Variants in PIK3AP1 observed in about 807,000 individuals in gnomAD.
PIK3AP1 encodes phosphoinositide 3-kinase adapter protein 1.
In PIK3AP1, 21 loss-of-function variants were observed where a neutral mutation model predicts 88.1. The observed-to-expected ratio is 0.24, with a 90% CI of 0.17 to 0.34. The LOEUF (loss-of-function observed/expected upper bound fraction) is 0.34. PIK3AP1 is among the 10% of genes least tolerant of loss of function. The pLI, the probability that PIK3AP1 is intolerant of heterozygous loss-of-function variation, is 1.00. For synonymous variants in PIK3AP1, 398 were observed against 400.0 expected, an observed-to-expected ratio of 1.00 and a Z score of 0.06; for missense variants, 828 against 1,035.7, an observed-to-expected ratio of 0.80 and a Z score of 2.75.
Position 96,603,944 on chromosome 10 carries a change from G to C in PIK3AP1, c.2241+35C>G, listed in dbSNP as rs185075250. ...ATCTCTTGCGATGAAACGACCCCTA[G>C]GACAGGATAGGTGGGGTGGAGTCCC... On this transcript the variant is annotated intron_variant, in intron 15 of 16. Transcript: ENST00000339364. 1.8e-3 allele frequency: 2,748 copies of C among 1,533,778 alleles called. 2 individuals are homozygous for C. Among genetic ancestry groups the C allele is most frequent in the Non-Finnish European group, 2.2e-3 (2,444 of 1,121,978 alleles).
chr10:96,674,113 C>A (rs1843885130), intron 2 of PIK3AP1, among the ~76,000 whole-genome samples: 1 of 152,196 alleles, frequency 6.6e-6, no homozygotes, highest in Admixed American at 6.5e-5. Flanking sequence ...AACAAGATGG[C>A]ATTCCAAATT....
At chr10:96,641,869 T>C (rs1261812324) in intron 8 of PIK3AP1, among the ~76,000 whole-genome samples, 1 of 152,240 alleles carries the variant, frequency 6.6e-6, no homozygotes, top group Non-Finnish European at 1.5e-5. Context: ...CAAGTTATTA[T>C]TCTGCTGGGC....
intron 2 of PIK3AP1, among the ~76,000 whole-genome samples, chr10:96,697,057 G>T (rs1767472748): frequency 6.6e-6 from 1 of 152,144 alleles, no homozygotes; most frequent in Non-Finnish European, 1.5e-5. Flanking sequence ...TGCCTCAGGT[G>T]GCTCAACCAG....
chr10:96,711,407 C>G (rs913310707), intron 1 of PIK3AP1, among the ~76,000 whole-genome samples: 1 of 152,228 alleles, frequency 6.6e-6, no homozygotes, highest in Non-Finnish European at 1.5e-5. Flanking sequence ...ACAAACTGTT[C>G]TGTGTGTGGT....
In PIK3AP1 at chr10:96,664,298, C is replaced by T. The variant is rs115931961; in HGVS notation, c.431-7364G>A. ...ATATAAAATTATATCTCAGATGCTG[C>T]AGGATTTCAATTATATAAAAAATGC... On this transcript the variant is annotated intron_variant, in intron 2 of 16. Coordinates refer to ENST00000339364, the MANE Select transcript of PIK3AP1 (RefSeq NM_152309.3). Among the ~76,000 whole-genome samples, 1,413 of 152,308 alleles carry T rather than the reference C, an allele frequency of 9.3e-3. 22 individuals are homozygous for T. The highest frequency in any genetic ancestry group is 0.032 in the African/African-American group (1,348 of 41,562).
At chr10:96,629,726 A>AAG (rs1178302248) in intron 8 of PIK3AP1, among the ~76,000 whole-genome samples, 4 of 146,636 alleles carry the variant, frequency 2.7e-5, no homozygotes, top group African/African-American at 7.5e-5. Flanking sequence ...AAAAAAAAAA[A>AAG]AAAAAAAGAC....
At chr10:96,668,648 G>T (rs1261970703) in intron 2 of PIK3AP1, among the ~76,000 whole-genome samples, 8 of 152,118 alleles carry the variant, frequency 5.3e-5, no homozygotes, top group Non-Finnish European at 1.2e-4. Flanking sequence ...GTGTCTCTGT[G>T]CTGGGACAAA....
chr10:96,642,939 A>T (rs1278853304), intron 8 of PIK3AP1, among the ~76,000 whole-genome samples: 1 of 152,236 alleles, frequency 6.6e-6, no homozygotes, highest in Non-Finnish European at 1.5e-5. Context: ...GCAAAGACAC[A>T]GGGCAGAAAG....
intron 2 of PIK3AP1, among the ~76,000 whole-genome samples, chr10:96,705,533 G>A (rs1405281190): frequency 6.6e-6 from 1 of 150,470 alleles, no homozygotes; most frequent in Non-Finnish European, 1.5e-5. Flanking sequence ...CACAATTATT[G>A]TCTCTACTAT....
At chr10:96,641,316 C>T (rs376161610) in intron 8 of PIK3AP1, among the ~76,000 whole-genome samples, 9 of 152,124 alleles carry the variant, frequency 5.9e-5, no homozygotes, top group African/African-American at 2.2e-4. Flanking sequence ...CTCATTACCA[C>T]CCCTTTCCCA....
intron 13 of PIK3AP1, among the ~76,000 whole-genome samples, chr10:96,614,431 C>A (rs1398732684): frequency 6.6e-6 from 1 of 151,594 alleles, no homozygotes; most frequent in Non-Finnish European, 1.5e-5. Flanking sequence ...TTCCTCTCAA[C>A]CAGGAGGACA....
At chr10:96,682,840 G>A (rs1844021120) in intron 2 of PIK3AP1, among the ~76,000 whole-genome samples, 1 of 152,136 alleles carries the variant, frequency 6.6e-6, no homozygotes, top group South Asian at 2.1e-4. Flanking sequence ...TTTAAAAAGA[G>A]CTGCTTTCCT....
At chr10:96,671,668 G>A (rs74153706) in intron 2 of PIK3AP1, among the ~76,000 whole-genome samples, 3,934 of 150,984 alleles carry the variant, frequency 0.026, 179 homozygotes, top group African/African-American at 0.089. Flanking sequence ...TCTCATCACC[G>A]TCGTCATCAT....
chr10:96,619,802 G>A (rs1160844294), intron 12 of PIK3AP1, among the ~76,000 whole-genome samples: 1 of 152,164 alleles, frequency 6.6e-6, no homozygotes, highest in Non-Finnish European at 1.5e-5. Flanking sequence ...GGCCCGAAGT[G>A]GCCGTTTCCA....
Position 96,648,721 on chromosome 10 carries a change from GGTA to G in PIK3AP1, c.1120_1122del (p.Tyr374del), listed in dbSNP as rs1843494248. ...CCGTGTTTCTCAGCGATGGTGTTGGGGTAGTGGCCATGCTTGTTGGCCACGCTG... is the reference window on the plus strand; with the variant it reads ...CCGTGTTTCTCAGCGATGGTGTTGGGGTGGCCATGCTTGTTGGCCACGCTG... On this transcript the variant is annotated inframe_deletion, in exon 7 of 17. Coordinates refer to ENST00000339364, the MANE Select transcript of PIK3AP1 (RefSeq NM_152309.3). The G allele has an allele frequency of 6.2e-7, 1 of 1,610,672 alleles. No homozygotes were observed. The highest frequency in any genetic ancestry group is 1.1e-5 in the South Asian group (1 of 90,214).
At chr10:96,652,972 G>T in intron 3 of PIK3AP1, 130 bp from the exon 4 acceptor site, 1 of 1,034,202 alleles carries the variant, frequency 9.7e-7, no homozygotes, top group Non-Finnish European at 1.4e-6. Context: ...GGTGGACTCA[G>T]TGGTCCAGTG....
chr10:96,709,143 A>C (rs976041731), intron 2 of PIK3AP1, among the ~76,000 whole-genome samples: 1 of 151,514 alleles, frequency 6.6e-6, no homozygotes, highest in Non-Finnish European at 1.5e-5. Context: ...AAAAAAAAAA[A>C]AAAAAAACCC....
At chr10:96,655,970 G>A (rs1200223834) in intron 3 of PIK3AP1, among the ~76,000 whole-genome samples, 3 of 152,182 alleles carry the variant, frequency 2.0e-5, no homozygotes, top group African/African-American at 4.8e-5. Flanking sequence ...GCAACCCCAC[G>A]TAGGAAGTGC....
chr10:96,623,802 T>C (rs1843119683), intron 10 of PIK3AP1, among the ~76,000 whole-genome samples: 1 of 152,128 alleles, frequency 6.6e-6, no homozygotes, highest in Non-Finnish European at 1.5e-5. Flanking sequence ...GGAAAGGACA[T>C]GTGCCTGGAC....
Sources: gnomAD v4.1 joint callset for allele counts (sites outside exome capture counted in the v4.1 genomes callset) on GRCh38, gnomAD v4.1.1 for gene constraint, MANE v1.5 for transcripts, NCBI Gene and HGNC (gene_info 2026-07-23, HGNC 2026-07-21) for gene names.